The following BTRC variants were observed in gnomAD, a reference collection of about 807,000 sequenced individuals.
BTRC encodes F-box/WD repeat-containing protein 1A.
BTRC carries 42 observed loss-of-function variants against 85.5 expected under a neutral mutation model. That is an observed-to-expected ratio of 0.49 (90% confidence interval 0.38 to 0.64). The LOEUF is 0.64. Among genes scored for constraint, BTRC ranks in the 30% least tolerant of loss-of-function variants. BTRC has a pLI of 0.00. For missense variants in BTRC, 594 were observed against 743.5 expected (o/e 0.80, Z 2.34); for synonymous variants, 255 against 263.3 (o/e 0.97, Z 0.30).
intron 4 of BTRC, among the ~76,000 whole-genome samples, chr10:101,517,115 C>T (rs2062034351): frequency 6.6e-6 from 1 of 152,176 alleles, no homozygotes; most frequent in Non-Finnish European, 1.5e-5. Flanking sequence ...TAAACTCCCC[C>T]AAGGCCTGTG....
At chr10:101,358,851 G>T (rs1433553320) in intron 1 of BTRC, among the ~76,000 whole-genome samples, 1 of 152,202 alleles carries the variant, frequency 6.6e-6, no homozygotes, top group Non-Finnish European at 1.5e-5. Flanking sequence ...CAACTACAGA[G>T]GGAGGAGAAA....
chr10:101,362,520 C>T lies in BTRC; in HGVS notation c.48+8292C>T, dbSNP rs563324056. The stretch of plus-strand genomic sequence containing the variant: ...AAGCTATTCTCCTGCCTCAGCCTCC[C>T]GAGTAGCTGGGATTACAGGCATGCG... On this transcript the variant is annotated intron_variant, in intron 1 of 14. Transcript: ENST00000370187. Among the ~76,000 whole-genome samples the T allele has an allele frequency of 2.6e-5, 4 of 152,132 alleles. No homozygotes were observed. The South Asian group carries it at 8.3e-4, about 32-fold the overall frequency.
Position 101,553,987 on chromosome 10 carries a change from C to G in BTRC, c.*864C>G, listed in dbSNP as rs1167956700. On this transcript the variant is annotated 3_prime_UTR_variant, in exon 15 of 15. Coordinates refer to ENST00000370187, the MANE Select transcript of BTRC (RefSeq NM_033637.4). ...CAACAGTGGATTCTCAGACATGATA[C>G]TCTCATCATATTTGCAACTCTTCTC... is the stretch of plus-strand genomic sequence containing the variant. 3 of 152,124 alleles carry G rather than the reference C, an allele frequency of 2.0e-5. No homozygotes were observed. Among genetic ancestry groups the G allele is most frequent in the Non-Finnish European group, 4.4e-5 (3 of 68,032 alleles). The allele number at this position is 152,124 out of a possible 1,614,324, so 9.4% of individuals were successfully genotyped here. A position where few individuals can be genotyped will look rare whatever the true frequency, so the allele number is the denominator to read the frequency against.
chr10:101,481,240 A>T (rs1437293915), intron 4 of BTRC, among the ~76,000 whole-genome samples: 1 of 152,328 alleles, frequency 6.6e-6, no homozygotes, highest in Non-Finnish European at 1.5e-5. Context: ...CACTGCACCC[A>T]GCCCAAGTCT....
intron 4 of BTRC, among the ~76,000 whole-genome samples, chr10:101,513,042 C>T (rs1427934075): frequency 6.6e-6 from 1 of 152,132 alleles, no homozygotes; most frequent in Non-Finnish European, 1.5e-5. Flanking sequence ...AATATACAAC[C>T]TTTTGATTTT....
At chr10:101,354,135 A>G (rs1157197186), upstream of BTRC, 20 of 1,546,894 alleles carry the variant, frequency 1.3e-5, no homozygotes, top group East Asian at 2.5e-5. Context: ...GCCTGGCACC[A>G]AAGGGGCGGC....
At chr10:101,513,792 T>G (rs540659485) in intron 4 of BTRC, among the ~76,000 whole-genome samples, 38 of 152,348 alleles carry the variant, frequency 2.5e-4, no homozygotes, top group Middle Eastern at 6.8e-3. Flanking sequence ...GGTAAGTACC[T>G]AAAGTGGAAT....
rs373538962 is a variant in BTRC at position 101,532,784 on chromosome 10, G to GTGTGTGTGTA, written c.979-162_979-161insTGTATGTGTG. On this transcript the variant is annotated intron_variant, in intron 8 of 14. Transcript: ENST00000370187. ...TGTGTGTGTGTGTGTGTGTGTGTGT[G>GTGTGTGTGTA]TGTGTGCGCGTGTGCGCGCGCGCGC... Among the ~76,000 whole-genome samples the GTGTGTGTGTA allele has an allele frequency of 3.8e-3, 561 of 145,846 alleles. 4 individuals are homozygous for GTGTGTGTGTA. Among genetic ancestry groups the GTGTGTGTGTA allele is most frequent in the African/African-American group, 8.5e-3 (332 of 39,042 alleles).
intron 1 of BTRC, among the ~76,000 whole-genome samples, chr10:101,365,684 C>A (rs1373397814): frequency 6.6e-6 from 1 of 151,954 alleles, no homozygotes; most frequent in African/African-American, 2.4e-5. Flanking sequence ...ACCATGTTGG[C>A]CAGGCTGGTC....
At chr10:101,438,422 CAAAAAAAAAAAA>C (rs34955428) in intron 2 of BTRC, among the ~76,000 whole-genome samples, 5 of 57,776 alleles carry the variant, frequency 8.7e-5, no homozygotes, top group East Asian at 1.3e-3. Context: ...GAGACTGCCT[CAAAAAAAAAAAA>C]AAAAAAAAAA....
intron 4 of BTRC, among the ~76,000 whole-genome samples, chr10:101,513,536 G>T (rs909560231): frequency 1.3e-5 from 2 of 152,096 alleles, no homozygotes; most frequent in Non-Finnish European, 2.9e-5. Flanking sequence ...AATCATAATG[G>T]ACTCATTTGT....
chr10:101,442,909 T>TTTTA (rs1944726025), intron 2 of BTRC, among the ~76,000 whole-genome samples: 1 of 148,748 alleles, frequency 6.7e-6, no homozygotes. Flanking sequence ...TTTTTTTTTT[T>TTTTA]GAGACGGAGT....
intron 13 of BTRC, among the ~76,000 whole-genome samples, chr10:101,550,102 T>C (rs549245801): frequency 5.8e-4 from 88 of 151,888 alleles, no homozygotes; most frequent in African/African-American, 2.0e-3. Context: ...ACCAGGGAGG[T>C]AGTAAGGAAT....
In BTRC at chr10:101,387,528, C is replaced by CTTTTTTTTTT. The variant is rs535656002; in HGVS notation, c.48+33309_48+33318dup. 3.3e-4 allele frequency among the ~76,000 whole-genome samples: 15 copies of CTTTTTTTTTT among 45,078 alleles called. 2 individuals are homozygous for CTTTTTTTTTT. The highest frequency in any genetic ancestry group is 1.3e-3 in the East Asian group (1 of 786). 29.6% of individuals were successfully genotyped at this position (45,078 alleles called of 152,430 possible). A position where few individuals can be genotyped will look rare whatever the true frequency, so the allele number is the denominator to read the frequency against. ...TGTGGCTTTTTATACCTTCATGGGA[C>CTTTTTTTTTT]TTTTTTTTTTTTTTTTTTGAGATAG... On this transcript the variant is annotated intron_variant, in intron 1 of 14. Coordinates refer to ENST00000370187, the MANE Select transcript of BTRC (RefSeq NM_033637.4).
intron 2 of BTRC, among the ~76,000 whole-genome samples, chr10:101,434,166 A>T (rs1400788475): frequency 1.3e-5 from 2 of 152,138 alleles, no homozygotes; most frequent in Non-Finnish European, 2.9e-5. Context: ...GTGGTTTGTT[A>T]TTTTGGTTGA....
chr10:101,432,281 A>C, intron 2 of BTRC, among the ~76,000 whole-genome samples: 1 of 151,714 alleles, frequency 6.6e-6, no homozygotes. Context: ...GCACACGACC[A>C]CACTTGGCTC....
chr10:101,456,891 A>C (rs1290668472), intron 2 of BTRC, among the ~76,000 whole-genome samples: 2 of 152,350 alleles, frequency 1.3e-5, no homozygotes, highest in South Asian at 4.1e-4. Flanking sequence ...ATTTGAGTTA[A>C]TATAAAAGGT....
chr10:101,458,616 T>A (rs1309069186), intron 2 of BTRC, among the ~76,000 whole-genome samples: 1 of 152,204 alleles, frequency 6.6e-6, no homozygotes, highest in Non-Finnish European at 1.5e-5. Flanking sequence ...ACCTCTTTAG[T>A]TTCCTTTAAT....
Position 101,556,766 on chromosome 10 carries a change from T to A in BTRC, c.*3643T>A, listed in dbSNP as rs2062728755. ...TAATGCATTGATCTTTAGAAGCTCC[T>A]TCTGTTGGAAGTTGAGTACCTGTGA... On this transcript the variant is annotated 3_prime_UTR_variant, in exon 15 of 15. Coordinates refer to ENST00000370187, the MANE Select transcript of BTRC (RefSeq NM_033637.4). The A allele has an allele frequency of 6.6e-6, 1 of 152,366 alleles. No individual in the cohort carries two copies. Among genetic ancestry groups the A allele is most frequent in the African/African-American group, 2.4e-5 (1 of 41,580 alleles). The allele number at this position is 152,366 out of a possible 1,614,324, so 9.4% of individuals were successfully genotyped here.
Sources: allele counts gnomAD v4.1 joint callset (sites outside exome capture counted in the v4.1 genomes callset), GRCh38; gene constraint gnomAD v4.1.1; transcripts MANE v1.5; gene names NCBI Gene and HGNC (gene_info 2026-07-23, HGNC 2026-07-21).